ITPK1: variants seen among roughly 807,000 people sequenced by gnomAD.
ITPK1 encodes the protein inositol 1,3,4-trisphosphate 5/6-kinase.
A neutral mutation model predicts 45.3 loss-of-function variants in ITPK1; 21 were observed. The observed-to-expected ratio is 0.46, with a 90% CI of 0.33 to 0.67. The LOEUF is 0.67. Ranked by LOEUF, ITPK1 falls within the 30% of genes least tolerant of loss-of-function variation. The pLI, the probability that ITPK1 is intolerant of heterozygous loss-of-function variation, is 0.02. For missense variants in ITPK1, 474 were observed against 573.5 expected (o/e 0.83, Z 1.77); for synonymous variants, 258 against 253.6 (o/e 1.02, Z -0.16).
rs146729765 is a variant in ITPK1 at position 93,078,360 on chromosome 14, G to A, written c.96-1741C>T. 5.4e-4 allele frequency among the ~76,000 whole-genome samples: 83 copies of A among 152,298 alleles called. No homozygotes were observed. The East Asian group carries it at 0.012, about 22-fold the overall frequency. ...ACCTTCTGATAGCAAGGCACTGAGC[G>A]GAACCTCACAAAGGAGCCACTCCAT... On this transcript the variant is annotated intron_variant, in intron 2 of 10. Coordinates refer to ENST00000267615, the MANE Select transcript of ITPK1 (RefSeq NM_014216.6).
At chr14:93,103,928 C>A (rs1892422827) in intron 2 of ITPK1, among the ~76,000 whole-genome samples, 1 of 152,170 alleles carries the variant, frequency 6.6e-6, no homozygotes, top group African/African-American at 2.4e-5. Flanking sequence ...CTGGAGGATC[C>A]CCCAGAAAAA....
In ITPK1 at chr14:93,083,923, C is replaced by A. The variant is rs376883675; in HGVS notation, c.96-7304G>T. Among the ~76,000 whole-genome samples the A allele has an allele frequency of 1.1e-3, 172 of 152,340 alleles. 1 individual carries two copies. The highest frequency in any genetic ancestry group is 4.0e-3 in the African/African-American group (165 of 41,574). On this transcript the variant is annotated intron_variant, in intron 2 of 10. Transcript: ENST00000267615. ...CTGCTGGACTCCATTGCACTGACCC[C>A]ACCAGGCTAATGCTCGGTGGTGAAC...
rs1224813103 is a variant in ITPK1, at chr14:92,941,775, T to C, written c.1031A>G (p.Glu344Gly). 1.9e-6 allele frequency: 3 copies of C among 1,608,662 alleles called. No individual in the cohort carries two copies. Among genetic ancestry groups the C allele is most frequent in the Non-Finnish European group, 1.7e-6 (2 of 1,178,600 alleles). Residue 344 changes from glutamate (E) to glycine (G), a missense_variant, in exon 11 of 11, where the codon GAG (glutamate) becomes GGG (glycine). Around this residue, in one of 2 missense-constraint regions of ITPK1, gnomAD observed 367 missense variants for 480.6 expected, o/e 0.76. Coordinates refer to ENST00000267615, the MANE Select transcript of ITPK1 (RefSeq NM_014216.6). ...ALLRHSKLLA[E>G]PAGGLVGERT... ...CTCGCCCACCAGGCCGCCCGCCGGCTCGGCCAGAAGCTTGCTGTGCCTCAG... is the reference window on the plus strand; with the variant it reads ...CTCGCCCACCAGGCCGCCCGCCGGCCCGGCCAGAAGCTTGCTGTGCCTCAG...
At chr14:93,043,303 A>G (rs572364292) in intron 3 of ITPK1, among the ~76,000 whole-genome samples, 2 of 152,336 alleles carry the variant, frequency 1.3e-5, no homozygotes, top group South Asian at 4.1e-4. Context: ...GTGCACAGAC[A>G]GAAGGGGAGA....
intron 4 of ITPK1, among the ~76,000 whole-genome samples, chr14:93,010,259 C>T (rs894116797): frequency 3.9e-5 from 6 of 152,232 alleles, no homozygotes; most frequent in Admixed American, 2.6e-4. Context: ...AAGTCGGACT[C>T]GAACACCTAG....
chr14:93,033,799 G>T (rs533581265), intron 3 of ITPK1, among the ~76,000 whole-genome samples: 1 of 152,326 alleles, frequency 6.6e-6, no homozygotes, highest in South Asian at 2.1e-4. Flanking sequence ...GCGTGCCTGT[G>T]CATGTGGGTG....
rs1555367715 is a variant in ITPK1, at chr14:93,014,854, T to G, written c.246+1822A>C. 6.6e-6 allele frequency among the ~76,000 whole-genome samples: 1 copy of G among 152,246 alleles called. No homozygotes were observed. The highest frequency in any genetic ancestry group is 1.5e-5 in the Non-Finnish European group (1 of 68,042). ...AGGGCTTGGTAAGCGGTAACTGCTC[T>G]GCAGTGCTTTCTGAGGTAACGGTAA... On this transcript the variant is annotated intron_variant, in intron 4 of 10. Transcript: ENST00000267615. This position sits in a 1 kb window ranked among gnomAD's most constrained non-coding sequence, Gnocchi z 4.4.
intron 2 of ITPK1, among the ~76,000 whole-genome samples, chr14:93,088,881 T>C (rs1891759050): frequency 6.6e-6 from 1 of 152,032 alleles, no homozygotes; most frequent in Admixed American, 6.5e-5. Flanking sequence ...AGAACCACAA[T>C]CTAAACCCAT....
chr14:92,982,684 C>A (rs888920540), intron 5 of ITPK1, among the ~76,000 whole-genome samples: 2 of 152,220 alleles, frequency 1.3e-5, no homozygotes, highest in African/African-American at 4.8e-5. Flanking sequence ...TGGGTACTGT[C>A]AGAAGCCACT....
chr14:92,985,120 A>G (rs1886429449), intron 5 of ITPK1, among the ~76,000 whole-genome samples: 1 of 152,148 alleles, frequency 6.6e-6, no homozygotes, highest in Non-Finnish European at 1.5e-5. Context: ...CCCAGTCACG[A>G]AAACACCAGA....
rs1837780118 is a variant in ITPK1, at chr14:93,076,155, T to C, written c.120+440A>G. 6.6e-6 allele frequency among the ~76,000 whole-genome samples: 1 copy of C among 151,614 alleles called. No individual in the cohort carries two copies. Among genetic ancestry groups the C allele is most frequent in the African/African-American group, 2.4e-5 (1 of 41,248 alleles). On this transcript the variant is annotated intron_variant, in intron 3 of 10. Transcript: ENST00000267615. The surrounding 1 kb of genome is among the most constrained non-coding windows in gnomAD (Gnocchi z 4.3). Reference sequence around the variant, plus strand: ...TTTCCCCTCCCTCCAAGATCCTTCCTTCCCCCTCCATCCATTCTTCCTTCT... The same window carrying C: ...TTTCCCCTCCCTCCAAGATCCTTCCCTCCCCCTCCATCCATTCTTCCTTCT...
rs1890523550 is a variant in ITPK1, at chr14:93,061,514, G to A, written c.120+15081C>T. Among the ~76,000 whole-genome samples, 6 of 152,350 alleles carry A rather than the reference G, an allele frequency of 3.9e-5. No homozygotes were observed. The South Asian group carries it at 1.2e-3, about 32-fold the overall frequency. ...GGTCTGGGGCAGGAGTGAGAAAGGA[G>A]GGGAGGGAGGGCACATGAGAGAGAA... On this transcript the variant is annotated intron_variant, in intron 3 of 10. Transcript: ENST00000267615.
chr14:92,942,915 C>G (rs1295119143), intron 10 of ITPK1, among the ~76,000 whole-genome samples: 2 of 152,266 alleles, frequency 1.3e-5, no homozygotes, highest in African/African-American at 4.8e-5. Flanking sequence ...TTACAACCAT[C>G]AGCCCCACCA....
chr14:93,079,387 G>C (rs1891350808), intron 2 of ITPK1, among the ~76,000 whole-genome samples: 1 of 152,240 alleles, frequency 6.6e-6, no homozygotes, highest in Non-Finnish European at 1.5e-5. Context: ...TCATGAGGGT[G>C]GGACAGTGGT....
chr14:93,101,932 T>C (rs111435742), intron 2 of ITPK1, among the ~76,000 whole-genome samples: 77 of 152,302 alleles, frequency 5.1e-4, no homozygotes, highest in African/African-American at 1.3e-3. Context: ...AAGAGCCACA[T>C]GTTAGCGCTC....
intron 1 of ITPK1, among the ~76,000 whole-genome samples, 174 bp downstream of exon 1, chr14:93,115,598 G>A (rs1482859462): frequency 1.3e-5 from 2 of 148,490 alleles, no homozygotes; most frequent in African/African-American, 2.4e-5. Context: ...CGCCGCGCGG[G>A]CCCGAGCCAC....
At chr14:93,023,812 G>A (rs1157875801) in intron 3 of ITPK1, among the ~76,000 whole-genome samples, 2 of 152,152 alleles carry the variant, frequency 1.3e-5, no homozygotes, top group African/African-American at 4.8e-5. Context: ...GCCACATCAC[G>A]ACGTGGCTAT....
intron 5 of ITPK1, among the ~76,000 whole-genome samples, chr14:92,963,920 G>A (rs1885216560): frequency 6.6e-6 from 1 of 152,118 alleles, no homozygotes. Flanking sequence ...GGGCGGGGGC[G>A]GTCTGCCACC....
chr14:92,945,452 C>T (rs1415714419), intron 10 of ITPK1, among the ~76,000 whole-genome samples: 3 of 152,244 alleles, frequency 2.0e-5, no homozygotes, highest in Admixed American at 6.5e-5. Context: ...ATTTCCTGAA[C>T]GTTTTTGCAC....
Sources: allele counts gnomAD v4.1 joint callset (sites outside exome capture counted in the v4.1 genomes callset), GRCh38; gene constraint gnomAD v4.1.1; regional missense constraint gnomAD v4.1.1; non-coding constraint Gnocchi (gnomAD v3.1); transcripts MANE v1.5; gene names NCBI Gene and HGNC (gene_info 2026-07-23, HGNC 2026-07-21).